Variants in SMYD3 observed in about 807,000 individuals in gnomAD.
The protein encoded by SMYD3 is SET and MYND domain containing 3.
Under a neutral mutation model 57.7 loss-of-function variants are expected in SMYD3, and 36 were observed. The observed-to-expected ratio is 0.62, with a 90% CI of 0.48 to 0.82. SMYD3 has a LOEUF of 0.82. Among genes scored for constraint, SMYD3 ranks in the 40% least tolerant of loss-of-function variants. The pLI is 0.00. For missense variants in SMYD3, 515 were observed against 538.8 expected (o/e 0.96, Z 0.44); for synonymous variants, 211 against 195.0 (o/e 1.08, Z -0.68).
At chr1:246,364,893 T>C (rs1207848790) in intron 1 of SMYD3, among the ~76,000 whole-genome samples, 1 of 152,138 alleles carries the variant, frequency 6.6e-6, no homozygotes, top group African/African-American at 2.4e-5. Flanking sequence ...ACTTAGCTGT[T>C]CATGAGACAC....
At chr1:246,494,139 T>C (rs979525013) in intron 1 of SMYD3, among the ~76,000 whole-genome samples, 2 of 152,210 alleles carry the variant, frequency 1.3e-5, no homozygotes, top group Non-Finnish European at 2.9e-5. Flanking sequence ...AAAATCTCTA[T>C]GGGCTCCTCA....
chr1:246,384,556 C>CAA lies in SMYD3; in HGVS notation c.165-29463_165-29462insTT, dbSNP rs1421802201. Reference sequence around the variant, plus strand: ...GATTACAGGTGCCCGCCACCACGCCCGGCTAATTTTTTGTATTCTTAGTAG... The same window carrying CAA: ...GATTACAGGTGCCCGCCACCACGCCCAAGGCTAATTTTTTGTATTCTTAGTAG... On this transcript the variant is annotated intron_variant, in intron 1 of 11. Coordinates refer to ENST00000490107, the MANE Select transcript of SMYD3 (RefSeq NM_001167740.2). Among the ~76,000 whole-genome samples, 24 of 152,066 alleles carry CAA rather than the reference C, an allele frequency of 1.6e-4. 1 individual carries two copies. The highest frequency in any genetic ancestry group is 2.9e-4 in the Non-Finnish European group (20 of 68,014).
intron 1 of SMYD3, among the ~76,000 whole-genome samples, chr1:246,455,274 A>G (rs1465739828): frequency 6.6e-6 from 1 of 152,220 alleles, no homozygotes; most frequent in Non-Finnish European, 1.5e-5. Context: ...AACCAGGAAG[A>G]TAGAGAATTG....
chr1:245,914,865 G>A (rs1341016889), intron 8 of SMYD3, among the ~76,000 whole-genome samples: 1 of 152,062 alleles, frequency 6.6e-6, no homozygotes, highest in African/African-American at 2.4e-5. Flanking sequence ...CAAAATATGT[G>A]CAATTATTAT....
intron 11 of SMYD3, among the ~76,000 whole-genome samples, chr1:245,753,618 C>T (rs1388890320): frequency 7.6e-6 from 1 of 130,828 alleles, no homozygotes; most frequent in African/African-American, 2.8e-5. Flanking sequence ...CCCTTCAGCA[C>T]TGGGTGAGCT....
Position 246,076,676 on chromosome 1 carries a change from TG to T in SMYD3, c.532-146740del, listed in dbSNP as rs1553281916. On this transcript the variant is annotated intron_variant, in intron 5 of 11. Coordinates refer to ENST00000490107, the MANE Select transcript of SMYD3 (RefSeq NM_001167740.2). ...CTCCCACTAGCATTCTGTCTGGTTTTGTTTTTTTTTTCTAGATTAATTCAAT... is the reference window on the plus strand; with the variant it reads ...CTCCCACTAGCATTCTGTCTGGTTTTTTTTTTTTTTCTAGATTAATTCAAT... Among the ~76,000 whole-genome samples, 331 of 66,322 alleles carry T rather than the reference TG, an allele frequency of 5.0e-3. No individual in the cohort carries two copies. The African/African-American group carries it at 0.054, about 11-fold the overall frequency. 43.5% of individuals were successfully genotyped at this position (66,322 alleles called of 152,430 possible).
intron 1 of SMYD3, among the ~76,000 whole-genome samples, chr1:246,461,715 C>T (rs1232516417): frequency 8.4e-6 from 1 of 118,682 alleles, no homozygotes; most frequent in East Asian, 2.4e-4. Context: ...GCCTGGGCAA[C>T]AGAACTGGAC....
rs185507380 is a variant in SMYD3 at position 245,830,755 on chromosome 1, C to T, written c.1076+27741G>A. ...TAAGATTTACAGTTTGCTAGAGTGG[C>T]ACCAGCTGTATGAAGATTCACTAAA... On this transcript the variant is annotated intron_variant, in intron 10 of 11. Coordinates refer to ENST00000490107, the MANE Select transcript of SMYD3 (RefSeq NM_001167740.2). Among the ~76,000 whole-genome samples, 427 of 152,310 alleles carry T rather than the reference C, an allele frequency of 2.8e-3. 3 individuals carry two copies. The highest frequency in any genetic ancestry group is 9.7e-3 in the African/African-American group (404 of 41,564).
chr1:246,432,201 G>A (rs1188324886), intron 1 of SMYD3, among the ~76,000 whole-genome samples: 1 of 152,168 alleles, frequency 6.6e-6, no homozygotes, highest in Admixed American at 6.5e-5. Context: ...TCAGTTATGT[G>A]ACATCCTATA....
At chr1:246,367,911 A>G (rs1204676464) in intron 1 of SMYD3, among the ~76,000 whole-genome samples, 1 of 152,222 alleles carries the variant, frequency 6.6e-6, no homozygotes, top group Non-Finnish European at 1.5e-5. Flanking sequence ...CTTCAAAAAA[A>G]GCAAAAAGGA....
At chr1:245,904,916 G>T (rs2054458390) in intron 8 of SMYD3, among the ~76,000 whole-genome samples, 1 of 151,666 alleles carries the variant, frequency 6.6e-6, no homozygotes, top group Admixed American at 6.6e-5. Context: ...GCCACAGCAG[G>T]AGAGGGCACC....
At chr1:246,184,622 A>C (rs1334576912) in intron 5 of SMYD3, among the ~76,000 whole-genome samples, 1 of 152,190 alleles carries the variant, frequency 6.6e-6, no homozygotes, top group African/African-American at 2.4e-5. Context: ...GACAGTAATT[A>C]AGGTTAAATG....
intron 5 of SMYD3, chr1:245,947,414 C>A (rs1341870529): frequency 6.6e-6 from 3 of 457,098 alleles, no homozygotes; most frequent in South Asian, 4.6e-5. Context: ...CCATATCCCC[C>A]CAAAACGAAC....
At chr1:246,337,505 G>C (rs1385778657) in intron 2 of SMYD3, among the ~76,000 whole-genome samples, 1 of 152,140 alleles carries the variant, frequency 6.6e-6, no homozygotes, top group Non-Finnish European at 1.5e-5. Context: ...TTTACTGATA[G>C]AAGGGAGAAC....
At chr1:246,419,543 T>C (rs2067111172) in intron 1 of SMYD3, among the ~76,000 whole-genome samples, 1 of 152,162 alleles carries the variant, frequency 6.6e-6, no homozygotes, top group South Asian at 2.1e-4. Context: ...GAAGTGCTTG[T>C]CCTCACCTAG....
chr1:245,800,701 A>C (rs986787539), intron 10 of SMYD3, among the ~76,000 whole-genome samples: 3 of 152,202 alleles, frequency 2.0e-5, no homozygotes, highest in Non-Finnish European at 2.9e-5. Flanking sequence ...CAAATGCATA[A>C]GAAAAGACTA....
At chr1:246,232,244 G>C (rs115637651) in intron 5 of SMYD3, among the ~76,000 whole-genome samples, 1 of 152,120 alleles carries the variant, frequency 6.6e-6, no homozygotes, top group South Asian at 2.1e-4. Flanking sequence ...TATTTAAAAC[G>C]AAGGCGACAC....
chr1:245,954,162 C>G (rs1223757692), intron 5 of SMYD3, among the ~76,000 whole-genome samples: 1 of 152,204 alleles, frequency 6.6e-6, no homozygotes, highest in African/African-American at 2.4e-5. Context: ...AAGTGTATTT[C>G]TCCTTAGTCC....
intron 1 of SMYD3, among the ~76,000 whole-genome samples, chr1:246,495,124 T>A (rs557813944): frequency 1.3e-5 from 2 of 151,242 alleles, no homozygotes; most frequent in African/African-American, 4.9e-5. Context: ...CCAAGGCGGG[T>A]GGATCACGAG....
Sources: gnomAD v4.1 joint callset for allele counts (sites outside exome capture counted in the v4.1 genomes callset) on GRCh38, gnomAD v4.1.1 for gene constraint, MANE v1.5 for transcripts, NCBI Gene and HGNC (gene_info 2026-07-23, HGNC 2026-07-21) for gene names.